The following MTREX variants were observed in gnomAD, a reference collection of about 807,000 sequenced individuals.
MTREX encodes the protein Mtr4 exosome RNA helicase.
A neutral mutation model predicts 135.4 loss-of-function variants in MTREX; 76 were observed. The observed-to-expected ratio is 0.56, with a 90% CI of 0.47 to 0.68. The LOEUF (loss-of-function observed/expected upper bound fraction) is 0.68, where lower values mean the gene tolerates loss of function less well. Ranked by LOEUF, MTREX falls within the 30% of genes least tolerant of loss-of-function variation. MTREX has a pLI of 0.00. For synonymous variants in MTREX, 404 were observed against 401.6 expected, an observed-to-expected ratio of 1.01 and a Z score of -0.07; for missense variants, 920 against 1,262.1, an observed-to-expected ratio of 0.73 and a Z score of 4.11.
chr5:55,419,197 TAC>T (rs1330390113), intron 25 of MTREX, among the ~76,000 whole-genome samples: 2 of 152,196 alleles, frequency 1.3e-5, no homozygotes, highest in Non-Finnish European at 2.9e-5. Flanking sequence ...TAGCACACAG[TAC>T]AGTGTGTCTG....
Position 55,425,463 on chromosome 5 carries a change from TA to T in MTREX, c.*697del. On this transcript the variant is annotated 3_prime_UTR_variant, in exon 27 of 27. Coordinates refer to ENST00000230640, the MANE Select transcript of MTREX (RefSeq NM_015360.5). ...CTTTGAGGTGTACAGATTAAGCATA[TA>T]AAAAATTAGAGACTAACTGGGATTT... The T allele has an allele frequency of 1.2e-6, 1 of 858,794 alleles. No individual in the cohort carries two copies. The highest frequency in any genetic ancestry group is 1.7e-6 in the Non-Finnish European group (1 of 603,050). The allele number at this position is 858,794 out of a possible 1,614,324, so 53.2% of individuals were successfully genotyped here.
At chr5:55,314,666 C>T (rs1330313656) in intron 1 of MTREX, among the ~76,000 whole-genome samples, 1 of 152,188 alleles carries the variant, frequency 6.6e-6, no homozygotes, top group Non-Finnish European at 1.5e-5. Context: ...ACCTATATTG[C>T]ACTTCTTTCT....
chr5:55,362,257 A>G (rs910879545), intron 15 of MTREX, among the ~76,000 whole-genome samples: 8 of 151,618 alleles, frequency 5.3e-5, no homozygotes, highest in Non-Finnish European at 8.8e-5. Flanking sequence ...TAAAGGAGCA[A>G]TAGAGAAACC....
At chr5:55,334,994 A>G (rs1033399728) in intron 5 of MTREX, among the ~76,000 whole-genome samples, 1 of 152,062 alleles carries the variant, frequency 6.6e-6, no homozygotes, top group Admixed American at 6.6e-5. Flanking sequence ...GTTTCTCTGC[A>G]TCCTTCCCTG....
At chr5:55,311,655 T>G (rs1255205616) in intron 1 of MTREX, among the ~76,000 whole-genome samples, 1 of 152,188 alleles carries the variant, frequency 6.6e-6, no homozygotes, top group African/African-American at 2.4e-5. Context: ...TATCCTCACG[T>G]AGCTGTTGAG....
intron 3 of MTREX, among the ~76,000 whole-genome samples, chr5:55,325,838 A>T (rs1253137092): frequency 6.6e-6 from 1 of 152,108 alleles, no homozygotes; most frequent in Non-Finnish European, 1.5e-5. Context: ...TGTGTACCCT[A>T]TGTTTAGCTC....
rs1751125206 is a variant in MTREX, at chr5:55,424,846, A to T, written c.*74A>T. The T allele has an allele frequency of 9.3e-7, 1 of 1,077,060 alleles. No homozygotes were observed. The highest frequency in any genetic ancestry group is 1.6e-5 in the African/African-American group (1 of 63,912). The allele number at this position is 1,077,060 out of a possible 1,614,324, so 66.7% of individuals were successfully genotyped here. On this transcript the variant is annotated 3_prime_UTR_variant, in exon 27 of 27. Coordinates refer to ENST00000230640, the MANE Select transcript of MTREX (RefSeq NM_015360.5). The stretch of plus-strand genomic sequence containing the variant: ...TTACAGTTGACTACAAATGCCTGCA[A>T]GTGTGGATTTGGTTCTCCCATACAT...
chr5:55,355,922 A>T (rs1749903761), intron 14 of MTREX, among the ~76,000 whole-genome samples: 1 of 152,160 alleles, frequency 6.6e-6, no homozygotes, highest in South Asian at 2.1e-4. Context: ...GAGGCTATAG[A>T]ACACTCTTCA....
intron 16 of MTREX, among the ~76,000 whole-genome samples, chr5:55,372,534 T>A (rs1180004593): frequency 6.6e-6 from 1 of 152,178 alleles, no homozygotes; most frequent in Non-Finnish European, 1.5e-5. Flanking sequence ...ACTATTGTTA[T>A]CCTCATTTTG....
At chr5:55,334,783 T>C (rs1232854416) in intron 5 of MTREX, among the ~76,000 whole-genome samples, 3 of 152,076 alleles carry the variant, frequency 2.0e-5, no homozygotes, top group African/African-American at 7.2e-5. Context: ...CTTTTGGCCA[T>C]TATAATACTG....
intron 3 of MTREX, 124 bp downstream of exon 3, chr5:55,324,322 G>A (rs1749335999): frequency 1.9e-6 from 1 of 525,902 alleles, no homozygotes; most frequent in Non-Finnish European, 3.3e-6. Flanking sequence ...AGTTTCCATG[G>A]GGTACCTAGT....
intron 14 of MTREX, among the ~76,000 whole-genome samples, chr5:55,358,105 G>A (rs1749950519): frequency 6.6e-6 from 1 of 152,184 alleles, no homozygotes; most frequent in Non-Finnish European, 1.5e-5. Context: ...GGGAGGCTGA[G>A]GCGGGCAGAT....
chr5:55,312,045 A>G (rs1749121776), intron 1 of MTREX, among the ~76,000 whole-genome samples: 1 of 152,206 alleles, frequency 6.6e-6, no homozygotes, highest in South Asian at 2.1e-4. Flanking sequence ...TGGCGAAAAT[A>G]GTATCACCCT....
chr5:55,424,680 G>A (rs755265121), intron 26 of MTREX, 40 bp from the exon 27 acceptor site: 1 of 1,468,124 alleles, frequency 6.8e-7, no homozygotes, highest in South Asian at 1.1e-5. Context: ...TAGGTGTTTT[G>A]TGGTCTTGAA....
At chr5:55,381,793 T>C (rs1287758557) in intron 18 of MTREX, among the ~76,000 whole-genome samples, 3 of 152,226 alleles carry the variant, frequency 2.0e-5, no homozygotes, top group Non-Finnish European at 4.4e-5. Flanking sequence ...TTAGACTTCT[T>C]TCTTTGCAGA....
At chr5:55,414,290 T>A (rs1196776211) in intron 24 of MTREX, 52 bp downstream of exon 24, 5 of 1,349,640 alleles carry the variant, frequency 3.7e-6, no homozygotes, top group Non-Finnish European at 3.0e-6. Flanking sequence ...AATAGTAGAT[T>A]GTAAAATAAA....
chr5:55,389,764 T>C (rs1750536281), intron 19 of MTREX, among the ~76,000 whole-genome samples: 1 of 152,110 alleles, frequency 6.6e-6, no homozygotes, highest in East Asian at 1.9e-4. Context: ...TTGTGGTTAA[T>C]GACAAAAGGC....
intron 1 of MTREX, 95 bp from the exon 2 acceptor site, chr5:55,322,232 A>T: frequency 9.9e-7 from 1 of 1,005,758 alleles, no homozygotes; most frequent in East Asian, 2.8e-5. Flanking sequence ...TTAAAACATG[A>T]CTTTCTGTTA....
chr5:55,314,591 C>T (rs1458683020), intron 1 of MTREX, among the ~76,000 whole-genome samples: 2 of 152,184 alleles, frequency 1.3e-5, no homozygotes, highest in Non-Finnish European at 2.9e-5. Context: ...AATGGATTTT[C>T]CCCCAGAGCC....
Sources: allele counts gnomAD v4.1 joint callset (sites outside exome capture counted in the v4.1 genomes callset), GRCh38; gene constraint gnomAD v4.1.1; transcripts MANE v1.5; gene names NCBI Gene and HGNC (gene_info 2026-07-23, HGNC 2026-07-21).